The following CDH1 variants were observed in gnomAD, a reference collection of about 807,000 sequenced individuals.
CDH1 encodes the protein cadherin-1.
A neutral mutation model predicts 84.5 loss-of-function variants in CDH1; 35 were observed. The observed-to-expected ratio is 0.41, with a 90% CI of 0.32 to 0.55. The LOEUF (loss-of-function observed/expected upper bound fraction) is 0.55, where lower values mean the gene tolerates loss of function less well. Among genes scored for constraint, CDH1 ranks in the 20% least tolerant of loss-of-function variants. The probability of loss-of-function intolerance (pLI) is 0.19; values close to 1 mark genes in which losing one functional copy is unlikely to be tolerated. For synonymous variants in CDH1, 417 were observed against 439.0 expected, an observed-to-expected ratio of 0.95 and a Z score of 0.63; for missense variants, 994 against 1,126.6, an observed-to-expected ratio of 0.88 and a Z score of 1.68.
chr16:68,809,498 G>A (rs904768428), intron 5 of CDH1, among the ~76,000 whole-genome samples: 4 of 150,638 alleles, frequency 2.7e-5, no homozygotes, highest in African/African-American at 4.9e-5. Context: ...CACTGCACCC[G>A]GCCTACAAGA....
chr16:68,794,939 G>A (rs1428734615), intron 2 of CDH1, among the ~76,000 whole-genome samples: 5 of 151,506 alleles, frequency 3.3e-5, no homozygotes, highest in Non-Finnish European at 5.9e-5. Context: ...TGATCCACCC[G>A]TCTCGGCCTC....
rs2152138379 is a variant in CDH1, at chr16:68,822,111, A to G, written c.1822A>G (p.Lys608Glu). The change falls in exon 12 of 16, where the codon AAG becomes GAG. Residue 608 changes from lysine (K) to glutamate (E), a missense_variant. By Grantham distance (56) the Lys-to-Glu change is moderately conservative. Transcript: ENST00000261769. The stretch of plus-strand genomic sequence containing the variant: ...TATATTCTTCTGTGAGAGGAATCCA[A>G]AGCCTCAGGTCATAAACATCATTGA... ...RTIFFCERNP[K>E]PQVINIIDAD... The G allele has an allele frequency of 6.2e-7, 1 of 1,614,102 alleles. No individual in the cohort carries two copies. The highest frequency in any genetic ancestry group is 8.5e-7 in the Non-Finnish European group (1 of 1,179,976).
At chr16:68,802,575 A>C (rs1567501947) in intron 3 of CDH1, among the ~76,000 whole-genome samples, 1 of 151,762 alleles carries the variant, frequency 6.6e-6, no homozygotes, top group Non-Finnish European at 1.5e-5. Context: ...AGTTCAAGTG[A>C]TCCTCCTGCC....
chr16:68,740,509 G>T (rs1481591670), intron 2 of CDH1, among the ~76,000 whole-genome samples: 1 of 152,014 alleles, frequency 6.6e-6, no homozygotes, highest in Non-Finnish European at 1.5e-5. Context: ...AGGCAAACTT[G>T]ATCCAGTCTT....
intron 14 of CDH1, among the ~76,000 whole-genome samples, chr16:68,828,764 T>C (rs1162273883): frequency 2.6e-5 from 4 of 152,164 alleles, no homozygotes; most frequent in Non-Finnish European, 5.9e-5. Flanking sequence ...TATTTCCTGA[T>C]TTTGGAGATG....
At chr16:68,737,499 C>T (rs2152114025) in intron 1 of CDH1, 36 bp downstream of exon 1, 1 of 1,528,270 alleles carries the variant, frequency 6.5e-7, no homozygotes, top group Non-Finnish European at 8.8e-7. Context: ...GGGACGCATT[C>T]GGGCCGCAAG....
chr16:68,819,231 ATGT>A, intron 10 of CDH1, 46 bp from the exon 11 acceptor site: 3 of 1,610,204 alleles, frequency 1.9e-6, no homozygotes, highest in Non-Finnish European at 2.6e-6. Flanking sequence ...TTTCAGCTAC[ATGT>A]TGTTTGCTGG....
At chr16:68,768,205 C>T (rs1360789704) in intron 2 of CDH1, among the ~76,000 whole-genome samples, 13 of 152,132 alleles carry the variant, frequency 8.5e-5, no homozygotes, top group South Asian at 4.1e-4. Flanking sequence ...CTTGGCCTCC[C>T]GAAGTGCTGG....
At chr16:68,738,200 G>T in intron 1 of CDH1, 97 bp from the exon 2 acceptor site, 1 of 833,990 alleles carries the variant, frequency 1.2e-6, no homozygotes, top group South Asian at 1.6e-5. Flanking sequence ...CCCCAATCCC[G>T]ACGCCGGGAG....
intron 2 of CDH1, among the ~76,000 whole-genome samples, chr16:68,760,268 T>TC (rs1263739355): frequency 7.2e-6 from 1 of 139,656 alleles, no homozygotes; most frequent in African/African-American, 2.7e-5. Flanking sequence ...CCCAGCTAAT[T>TC]TTTTTTTTTT....
In CDH1 at chr16:68,819,264, G is replaced by A. The variant is rs1291528053; in HGVS notation, c.1566-16G>A. 15 of 1,614,090 alleles carry A rather than the reference G, an allele frequency of 9.3e-6. No individual in the cohort carries two copies. Among genetic ancestry groups the A allele is most frequent in the East Asian group, 2.2e-5 (1 of 44,898 alleles). On this transcript the variant is annotated splice_polypyrimidine_tract_variant and intron_variant, in intron 10 of 15. Transcript: ENST00000261769. ...TGCTGGTCCTATTCTAAAAGCCAGAGCTTGTCCCCGTTCAGATATCGGATT... is the reference window on the plus strand; with the variant it reads ...TGCTGGTCCTATTCTAAAAGCCAGAACTTGTCCCCGTTCAGATATCGGATT...
intron 2 of CDH1, among the ~76,000 whole-genome samples, chr16:68,787,717 G>T (rs1960096102): frequency 6.6e-6 from 1 of 151,718 alleles, no homozygotes; most frequent in Non-Finnish European, 1.5e-5. Context: ...GGAGTGCAAT[G>T]GTGCAATCTC....
chr16:68,775,731 A>G (rs1959714189), intron 2 of CDH1, among the ~76,000 whole-genome samples: 1 of 152,224 alleles, frequency 6.6e-6, no homozygotes, highest in South Asian at 2.1e-4. Flanking sequence ...GATAAAGCTG[A>G]TGGTATCAGC....
rs545850505 is a variant in CDH1 at position 68,798,310 on chromosome 16, T to C, written c.164-3360T>C. Among the ~76,000 whole-genome samples, 5 of 152,240 alleles carry C rather than the reference T, an allele frequency of 3.3e-5. No individual in the cohort carries two copies. The South Asian group carries it at 1.0e-3, about 32-fold the overall frequency. ...TATTCTGATCCTCCAGTTTCAACAT[T>C]TTGCCATTCTTCTTTCCTCCCACTT... On this transcript the variant is annotated intron_variant, in intron 2 of 15. Transcript: ENST00000261769.
intron 2 of CDH1, among the ~76,000 whole-genome samples, chr16:68,750,713 T>G (rs1962865659): frequency 6.6e-6 from 1 of 151,418 alleles, no homozygotes; most frequent in South Asian, 2.1e-4. Flanking sequence ...CCTTGGTTTT[T>G]TTTTTTTTTT....
intron 2 of CDH1, among the ~76,000 whole-genome samples, chr16:68,778,908 G>T (rs1004916068): frequency 6.6e-6 from 1 of 152,056 alleles, no homozygotes; most frequent in African/African-American, 2.4e-5. Flanking sequence ...TGGCTCCCTT[G>T]GTGTGTGCCC....
At chr16:68,802,619 C>T (rs977965412) in intron 3 of CDH1, among the ~76,000 whole-genome samples, 10 of 151,978 alleles carry the variant, frequency 6.6e-5, no homozygotes, top group Non-Finnish European at 1.2e-4. Flanking sequence ...TACAGGCGCC[C>T]GCCACCATAC....
chr16:68,815,785 C>G lies in CDH1; in HGVS notation c.1565+26C>G, dbSNP rs766731829. The G allele has an allele frequency of 1.9e-6, 3 of 1,613,018 alleles. No individual in the cohort carries two copies. The highest frequency in any genetic ancestry group is 1.7e-5 in the Admixed American group (1 of 60,024). On this transcript the variant is annotated intron_variant, in intron 10 of 15. Coordinates refer to ENST00000261769, the MANE Select transcript of CDH1 (RefSeq NM_004360.5). ...GTAAGTGTGAGGATTTTTCAACTGA[C>G]TTGCAGCAACTGGTTATTTTATATC...
In CDH1 at chr16:68,804,102, C is replaced by CTTTT. The variant is rs10563852; in HGVS notation, c.387+2235_387+2238dup. Among the ~76,000 whole-genome samples the CTTTT allele has an allele frequency of 3.6e-4, 27 of 75,092 alleles. 6 individuals carry two copies. The South Asian group carries it at 4.0e-3, about 11-fold the overall frequency. 49.3% of individuals were successfully genotyped at this position (75,092 alleles called of 152,430 possible). On this transcript the variant is annotated intron_variant, in intron 3 of 15. Coordinates refer to ENST00000261769, the MANE Select transcript of CDH1 (RefSeq NM_004360.5). Reference sequence around the variant, plus strand: ...ATTCATTACTTAGTTATCTGTCTGCCTTTTTTTTTTTTTTTTTTTTTTTTT... The same window carrying CTTTT: ...ATTCATTACTTAGTTATCTGTCTGCCTTTTTTTTTTTTTTTTTTTTTTTTTTTTT...
Sources: gnomAD v4.1 joint callset for allele counts (sites outside exome capture counted in the v4.1 genomes callset) on GRCh38, gnomAD v4.1.1 for gene constraint, MANE v1.5 for transcripts, NCBI Gene and HGNC (gene_info 2026-07-23, HGNC 2026-07-21) for gene names.